The following NFE2L3 variants were observed in gnomAD, a reference collection of about 807,000 sequenced individuals.
NFE2L3 encodes the protein NFE2 like bZIP transcription factor 3, also known as nuclear factor erythroid 2-related factor 3.
Under a neutral mutation model 23.5 loss-of-function variants are expected in NFE2L3, and 18 were observed. That is an observed-to-expected ratio of 0.77 (90% CI 0.53 to 1.13). The LOEUF is 1.13. Ranked by LOEUF, NFE2L3 falls within the 50% of genes most tolerant of loss-of-function variation. The pLI is 0.00. For missense variants in NFE2L3, 1,152 were observed against 877.2 expected, an observed-to-expected ratio of 1.31 and a Z score of -3.96; for synonymous variants, 424 against 354.5, an observed-to-expected ratio of 1.20 and a Z score of -2.20.
intron 3 of NFE2L3, 159 bp from the exon 4 acceptor site, chr7:26,184,369 CGTATT>C (rs749792689): frequency 1.5e-5 from 9 of 599,840 alleles, no homozygotes; most frequent in South Asian, 6.6e-5. Context: ...ACTCACATCT[CGTATT>C]GTATTGCCTG....
chr7:26,177,986 G>A lies in NFE2L3; in HGVS notation c.614G>A (p.Ser205Asn). Residue 205 changes from serine to asparagine, a missense_variant, in exon 2 of 4, where the codon AGT becomes AAT. Physicochemically the swap from Ser to Asn is conservative, Grantham distance 46. Transcript: ENST00000056233. Reference sequence around the variant, plus strand: ...GAAAAGCACGAAGCTGTGGATCATAGTTCCCAGCATGAGGAAAATGAAGAA... The same window carrying A: ...GAAAAGCACGAAGCTGTGGATCATAATTCCCAGCATGAGGAAAATGAAGAA... Reference protein sequence around the residue: ...LREKHEAVDHSSQHEENEERV... With the variant: ...LREKHEAVDHNSQHEENEERV... 6.2e-7 allele frequency: 1 copy of A among 1,614,104 alleles called. No homozygotes were observed. The highest frequency in any genetic ancestry group is 1.1e-5 in the South Asian group (1 of 91,084).
chr7:26,154,712 G>C (rs1317749712), intron 1 of NFE2L3, among the ~76,000 whole-genome samples: 1 of 152,134 alleles, frequency 6.6e-6, no homozygotes, highest in Non-Finnish European at 1.5e-5. Context: ...CACCATACTG[G>C]CTGATTTTTT....
chr7:26,177,604 AGGAGGGAG>A (rs1423919877), intron 1 of NFE2L3, among the ~76,000 whole-genome samples: 1 of 152,182 alleles, frequency 6.6e-6, no homozygotes, highest in Non-Finnish European at 1.5e-5. Flanking sequence ...AAAGGAGGGA[AGGAGGGAG>A]GAAGGGAGGA....
At chr7:26,154,328 A>C (rs1031043292) in intron 1 of NFE2L3, among the ~76,000 whole-genome samples, 1 of 152,124 alleles carries the variant, frequency 6.6e-6, no homozygotes, top group African/African-American at 2.4e-5. Flanking sequence ...CCCTCTAATA[A>C]GTGAGTACTT....
In NFE2L3 at chr7:26,186,200, A is replaced by G. The variant is rs1782482458; in HGVS notation, c.*417A>G. On this transcript the variant is annotated 3_prime_UTR_variant, in exon 4 of 4. Transcript: ENST00000056233. ...CCTTATTTTCATTTAGTTTGTTAGC[A>G]CTATAGTGAGCTTTTCAAACACTAT... 1 of 155,554 alleles carries G rather than the reference A, an allele frequency of 6.4e-6. No individual in the cohort carries two copies. Among genetic ancestry groups the G allele is most frequent in the Non-Finnish European group, 1.4e-5 (1 of 70,460 alleles). 9.6% of individuals were successfully genotyped at this position (155,554 alleles called of 1,614,324 possible).
chr7:26,175,192 C>CAAA (rs55911511), intron 1 of NFE2L3, among the ~76,000 whole-genome samples: 19 of 101,806 alleles, frequency 1.9e-4, no homozygotes, highest in African/African-American at 6.1e-4. Context: ...TAAAAAATAC[C>CAAA]AAAAAAAAAA....
chr7:26,153,489 C>G (rs947017312), intron 1 of NFE2L3, among the ~76,000 whole-genome samples: 1 of 152,142 alleles, frequency 6.6e-6, no homozygotes, highest in Non-Finnish European at 1.5e-5. Flanking sequence ...TTTTTAAGAA[C>G]GACTCTCCCG....
intron 1 of NFE2L3, among the ~76,000 whole-genome samples, chr7:26,159,257 G>C (rs1784134716): frequency 6.6e-6 from 1 of 152,104 alleles, no homozygotes; most frequent in African/African-American, 2.4e-5. Flanking sequence ...ATGATCTCCT[G>C]CCCTTTAGTC....
Position 26,183,745 on chromosome 7 carries a change from A to G in NFE2L3, c.795A>G (p.Leu265=). Residue 265 remains leucine (L), a synonymous_variant, in exon 3 of 4, where the codon TTA becomes TTG. Transcript: ENST00000056233. ...GTDTSFSLED[L]FQLLSSQPEN... is the part of the protein sequence containing the mutation. ...ATACTTCTTTCTCTCTGGAAGACTT[A>G]TTCCAGTTGCTTTCATCACAGCCTG... 8.7e-6 allele frequency: 14 copies of G among 1,612,918 alleles called. No individual in the cohort carries two copies. The highest frequency in any genetic ancestry group is 2.2e-5 in the South Asian group (2 of 91,074).
At chr7:26,184,071 A>G (rs1782409447) in intron 3 of NFE2L3, 1 of 440,278 alleles carries the variant, frequency 2.3e-6, no homozygotes. Context: ...CAGTGTATCA[A>G]AGGGACACCT....
intron 2 of NFE2L3, among the ~76,000 whole-genome samples, chr7:26,178,883 T>G (rs941779759): frequency 2.0e-5 from 3 of 152,142 alleles, no homozygotes; most frequent in African/African-American, 4.8e-5. Flanking sequence ...ACGGTTTTCT[T>G]AGGCATCACC....
chr7:26,174,552 A>G (rs1303930881), intron 1 of NFE2L3: 1 of 152,242 alleles, frequency 6.6e-6, no homozygotes, highest in Non-Finnish European at 1.5e-5. Flanking sequence ...AGCTAGGACT[A>G]AACATCATCT....
At chr7:26,174,893 C>T (rs1482565745) in intron 1 of NFE2L3, 2 of 152,180 alleles carry the variant, frequency 1.3e-5, no homozygotes, top group African/African-American at 2.4e-5. Flanking sequence ...ATATGCAGTA[C>T]ACTCTAAATG....
chr7:26,173,256 T>G (rs1170362095), intron 1 of NFE2L3, among the ~76,000 whole-genome samples: 1 of 152,202 alleles, frequency 6.6e-6, no homozygotes, highest in Non-Finnish European at 1.5e-5. Flanking sequence ...CTCAAAAAGT[T>G]TCCCCCCACA....
intron 2 of NFE2L3, among the ~76,000 whole-genome samples, chr7:26,181,646 T>C (rs1409868532): frequency 6.6e-6 from 1 of 152,122 alleles, no homozygotes; most frequent in African/African-American, 2.4e-5. Flanking sequence ...CTTTTAAGAA[T>C]TAAAAATGAC....
intron 1 of NFE2L3, among the ~76,000 whole-genome samples, chr7:26,171,209 A>G (rs964693655): frequency 3.9e-5 from 6 of 152,094 alleles, no homozygotes; most frequent in African/African-American, 1.4e-4. Flanking sequence ...GGAGATTTTA[A>G]TATCTGTTAC....
chr7:26,153,195 A>G (rs2128096706), intron 1 of NFE2L3, 127 bp downstream of exon 1: 1 of 925,628 alleles, frequency 1.1e-6, no homozygotes, highest in Non-Finnish European at 1.5e-6. Context: ...TGGTCTTTGC[A>G]GGTTCGCAGA....
intron 2 of NFE2L3, 150 bp downstream of exon 2, chr7:26,178,272 T>C (rs971229198): frequency 3.1e-5 from 20 of 653,890 alleles, no homozygotes; most frequent in Non-Finnish European, 4.1e-5. Context: ...CTTTAAGTTA[T>C]GGGAGTAGTA....
Position 26,184,805 on chromosome 7 carries a change from CAATCATATGAGG to C in NFE2L3, c.1112_1123del (p.His371_Asn374del). 6.2e-7 allele frequency: 1 copy of C among 1,613,928 alleles called. No individual in the cohort carries two copies. On this transcript the variant is annotated inframe_deletion, in exon 4 of 4. Transcript: ENST00000056233. ...TGACAGGATTTCTTTCACCGGTTGA[CAATCATATGAGG>C]AATCTAACAAGCCAAGACCTACTGT...
Sources: gnomAD v4.1 joint callset for allele counts (sites outside exome capture counted in the v4.1 genomes callset) on GRCh38, gnomAD v4.1.1 for gene constraint, MANE v1.5 for transcripts, NCBI Gene and HGNC (gene_info 2026-07-23, HGNC 2026-07-21) for gene names.